Variants in CNTNAP4 observed in about 807,000 individuals in gnomAD.
CNTNAP4 encodes the protein contactin associated protein family member 4.
In CNTNAP4, 98 loss-of-function variants were observed where a neutral mutation model predicts 148.4. That is an observed-to-expected ratio of 0.66 (90% CI 0.56 to 0.78). The LOEUF is 0.78. Among genes scored for constraint, CNTNAP4 ranks in the 30% least tolerant of loss-of-function variants. CNTNAP4 has a pLI of 0.00. For synonymous variants in CNTNAP4, 730 were observed against 565.1 expected (o/e 1.29, Z -4.14); for missense variants, 1,935 against 1,565.6 (o/e 1.24, Z -3.98).
chr16:76,350,188 A>G (rs1317321019), intron 2 of CNTNAP4, among the ~76,000 whole-genome samples: 1 of 152,134 alleles, frequency 6.6e-6, no homozygotes, highest in African/African-American at 2.4e-5. Flanking sequence ...GATAGTTGTA[A>G]TTACTCCAGG....
chr16:76,313,972 A>T (rs909978918), intron 1 of CNTNAP4, among the ~76,000 whole-genome samples: 20 of 152,206 alleles, frequency 1.3e-4, no homozygotes, highest in South Asian at 2.1e-4. Flanking sequence ...TGCTTTAAAG[A>T]TGACATCGAA....
intron 4 of CNTNAP4, among the ~76,000 whole-genome samples, chr16:76,444,203 A>T (rs1239435055): frequency 1.3e-5 from 2 of 152,158 alleles, no homozygotes; most frequent in African/African-American, 4.8e-5. Flanking sequence ...TAACCTTTGG[A>T]GATATAGTTT....
chr16:76,435,171 C>G (rs1568157587), intron 4 of CNTNAP4, among the ~76,000 whole-genome samples: 1 of 152,176 alleles, frequency 6.6e-6, no homozygotes, highest in Non-Finnish European at 1.5e-5. Context: ...GGTCTGTAAA[C>G]TGGCTCAAGT....
chr16:76,391,924 T>A, intron 3 of CNTNAP4, among the ~76,000 whole-genome samples: 1 of 152,238 alleles, frequency 6.6e-6, no homozygotes. Flanking sequence ...ACTTAGCTTG[T>A]ATTTTCAGTG....
intron 2 of CNTNAP4, among the ~76,000 whole-genome samples, chr16:76,343,112 T>G (rs1964619682): frequency 6.6e-6 from 1 of 152,060 alleles, no homozygotes; most frequent in Non-Finnish European, 1.5e-5. Flanking sequence ...TTTTTTTTTT[T>G]TTTGGTCCAC....
In CNTNAP4 at chr16:76,558,772, T is replaced by A. The variant is rs924927191; in HGVS notation, c.*89T>A. 3 of 1,012,084 alleles carry A rather than the reference T, an allele frequency of 3.0e-6. No individual in the cohort carries two copies. In the African/African-American group the frequency reaches 4.9e-5, roughly 17 times the overall value. The allele number at this position is 1,012,084 out of a possible 1,614,324, so 62.7% of individuals were successfully genotyped here. A position where few individuals can be genotyped will look rare whatever the true frequency, so the allele number is the denominator to read the frequency against. ...GAAAAACGAATGCTCTTACACTGAA[T>A]GTACAGGCAGTGGGCTTGCAGCACT... On this transcript the variant is annotated 3_prime_UTR_variant, in exon 24 of 24. Transcript: ENST00000611870.
intron 2 of CNTNAP4, among the ~76,000 whole-genome samples, chr16:76,328,616 A>C (rs906851611): frequency 2.6e-5 from 4 of 152,136 alleles, no homozygotes; most frequent in Non-Finnish European, 5.9e-5. Context: ...GTGATGCATT[A>C]GTTGTGACAA....
rs191078795 is a variant in CNTNAP4 at position 76,559,954 on chromosome 16, G to A, written c.*1271G>A. On this transcript the variant is annotated 3_prime_UTR_variant, in exon 24 of 24. Transcript: ENST00000611870. ...ATTCCAGACACTTCTCGTCTGAAAC[G>A]ATGGGGTGAATTTCTCAAAAATTAC... 6.6e-6 allele frequency among the ~76,000 whole-genome samples: 1 copy of A among 152,286 alleles called. No homozygotes were observed. The highest frequency in any genetic ancestry group is 6.5e-5 in the Admixed American group (1 of 15,284).
chr16:76,487,510 A>G (rs1211749570), intron 12 of CNTNAP4, among the ~76,000 whole-genome samples: 1 of 152,240 alleles, frequency 6.6e-6, no homozygotes, highest in Admixed American at 6.5e-5. Context: ...TCACTCAATC[A>G]TGTCTGAAAG....
intron 3 of CNTNAP4, among the ~76,000 whole-genome samples, chr16:76,406,120 G>C (rs960908705): frequency 2.0e-5 from 3 of 152,024 alleles, no homozygotes; most frequent in African/African-American, 7.2e-5. Context: ...GTTACTGTTA[G>C]TGCTATTTTA....
intron 21 of CNTNAP4, among the ~76,000 whole-genome samples, chr16:76,545,941 A>T (rs1341566139): frequency 6.6e-6 from 1 of 152,038 alleles, no homozygotes; most frequent in Non-Finnish European, 1.5e-5. Flanking sequence ...AGGCTGAGGC[A>T]GTGGAGTCGC....
At chr16:76,356,888 T>A (rs1315994818) in intron 3 of CNTNAP4, among the ~76,000 whole-genome samples, 1 of 152,208 alleles carries the variant, frequency 6.6e-6, no homozygotes, top group African/African-American at 2.4e-5. Context: ...ATTCAATCCA[T>A]GCTTATTGAT....
intron 12 of CNTNAP4, among the ~76,000 whole-genome samples, chr16:76,481,489 G>A (rs546396503): frequency 1.2e-4 from 19 of 152,264 alleles, no homozygotes; most frequent in African/African-American, 4.3e-4. Context: ...AGACCAGGCT[G>A]GGCAACATAG....
At chr16:76,457,139 T>C (rs2080765518) in intron 8 of CNTNAP4, among the ~76,000 whole-genome samples, 1 of 152,224 alleles carries the variant, frequency 6.6e-6, no homozygotes, top group African/African-American at 2.4e-5. Flanking sequence ...AATTCTATGA[T>C]TTCTCCTTCT....
intron 2 of CNTNAP4, among the ~76,000 whole-genome samples, chr16:76,325,583 C>G (rs1265423892): frequency 2.0e-5 from 3 of 152,098 alleles, no homozygotes; most frequent in South Asian, 2.1e-4. Flanking sequence ...AACATTTTAA[C>G]TGAATGATAA....
chr16:76,305,435 C>G (rs1303432044), intron 1 of CNTNAP4, among the ~76,000 whole-genome samples: 1 of 151,908 alleles, frequency 6.6e-6, no homozygotes, highest in Non-Finnish European at 1.5e-5. Flanking sequence ...TTGTGCTTTC[C>G]TGATGTTTAT....
At chr16:76,493,375 A>T (rs7198482) in intron 13 of CNTNAP4, among the ~76,000 whole-genome samples, 126,805 of 151,654 alleles carry the variant, frequency 0.84, 53,945 homozygotes, top group East Asian at 0.97. Context: ...TCATTTAGGA[A>T]AGTAATTATG....
At chr16:76,331,174 G>A (rs1047832316) in intron 2 of CNTNAP4, among the ~76,000 whole-genome samples, 51 of 148,900 alleles carry the variant, frequency 3.4e-4, no homozygotes, top group Admixed American at 8.0e-4. Flanking sequence ...ATTCTTTTTT[G>A]TTGTTTTCTG....
rs1449189302 is a variant in CNTNAP4, at chr16:76,470,489, A to ATG, written c.1655+2967_1655+2968insGT. The stretch of plus-strand genomic sequence containing the variant: ...AACCACGTCTCTACTAATAATATAT[A>ATG]TATATATAAAATTAGTCGGGCATGG... On this transcript the variant is annotated intron_variant, in intron 10 of 23. Coordinates refer to ENST00000611870, the MANE Select transcript of CNTNAP4 (RefSeq NM_033401.5). Among the ~76,000 whole-genome samples the ATG allele has an allele frequency of 8.6e-5, 10 of 115,984 alleles. No homozygotes were observed. In the East Asian group the frequency reaches 1.7e-3, roughly 20 times the overall value. The allele number at this position is 115,984 out of a possible 152,430, so 76.1% of individuals were successfully genotyped here.
Sources: allele counts gnomAD v4.1 joint callset (sites outside exome capture counted in the v4.1 genomes callset), GRCh38; gene constraint gnomAD v4.1.1; transcripts MANE v1.5; gene names NCBI Gene and HGNC (gene_info 2026-07-23, HGNC 2026-07-21).